STIM1: variants seen among roughly 807,000 people sequenced by gnomAD.
STIM1 encodes the protein stromal interaction molecule 1.
Under a neutral mutation model 74.7 loss-of-function variants are expected in STIM1, and 25 were observed. The ratio of observed to expected loss-of-function variants is 0.33; its 90% CI spans 0.24 to 0.47. STIM1 has a LOEUF of 0.47. Among genes scored for constraint, STIM1 ranks in the 20% least tolerant of loss-of-function variants. The pLI is 1.00. For synonymous variants in STIM1, 328 were observed against 348.8 expected (o/e 0.94, Z 0.66); for missense variants, 728 against 920.8 (o/e 0.79, Z 2.71).
At chr11:3,948,198 G>A (rs1357604303) in intron 1 of STIM1, among the ~76,000 whole-genome samples, 2 of 152,078 alleles carry the variant, frequency 1.3e-5, no homozygotes, top group Non-Finnish European at 2.9e-5. Flanking sequence ...GGGCCTTGAA[G>A]GTTCAGAAAG....
intron 1 of STIM1, among the ~76,000 whole-genome samples, chr11:3,887,091 G>A (rs150881180): frequency 1.1e-3 from 172 of 152,218 alleles, no homozygotes; most frequent in Middle Eastern, 3.4e-3. Context: ...GGATGAAAAG[G>A]GTCCAGGGAC....
chr11:3,882,702 C>A (rs2091561427), intron 1 of STIM1, among the ~76,000 whole-genome samples: 1 of 152,180 alleles, frequency 6.6e-6, no homozygotes, highest in Non-Finnish European at 1.5e-5. Flanking sequence ...TATGGTAATT[C>A]TGTTTAGTTT....
intron 1 of STIM1, among the ~76,000 whole-genome samples, chr11:3,892,091 CTT>C (rs61095649): frequency 4.1e-4 from 62 of 152,342 alleles, no homozygotes; most frequent in Non-Finnish European, 7.5e-4. Flanking sequence ...TCAGAAATCT[CTT>C]CTTGATTTTC....
rs141311140 is a variant in STIM1 at position 4,027,961 on chromosome 11, C to A, written c.385+3974C>A. ...ATTTTTGGAGAAGAATGATGGGAGG[C>A]ACTGACCTAAGGGAATTCTCCTCTA... On this transcript the variant is annotated intron_variant, in intron 3 of 12. Transcript: ENST00000526596. 5.7e-4 allele frequency among the ~76,000 whole-genome samples: 87 copies of A among 152,314 alleles called. No individual in the cohort carries two copies. In the Middle Eastern group the frequency reaches 0.014, roughly 24 times the overall value.
chr11:3,864,027 C>T (rs1284289523), intron 1 of STIM1, among the ~76,000 whole-genome samples: 1 of 151,648 alleles, frequency 6.6e-6, no homozygotes, highest in Non-Finnish European at 1.5e-5. Context: ...GCTGTAGTTT[C>T]ATTGTCTCAC....
intron 1 of STIM1, among the ~76,000 whole-genome samples, chr11:3,919,883 G>A (rs945962972): frequency 6.6e-6 from 1 of 152,126 alleles, no homozygotes; most frequent in African/African-American, 2.4e-5. Flanking sequence ...TTCAAGACCA[G>A]CCTGGACAAC....
chr11:3,892,860 T>C (rs540740355), intron 1 of STIM1: 24 of 1,603,108 alleles, frequency 1.5e-5, no homozygotes, highest in Non-Finnish European at 2.0e-5. Context: ...TTGACAGCAA[T>C]GTCGAAGAAC....
intron 2 of STIM1, among the ~76,000 whole-genome samples, chr11:4,022,211 T>A (rs1444686111): frequency 6.6e-6 from 1 of 151,544 alleles, no homozygotes; most frequent in Admixed American, 6.6e-5. Context: ...CGTGCACACC[T>A]ATAGTCCCAG....
intron 3 of STIM1, among the ~76,000 whole-genome samples, chr11:4,039,705 A>G (rs1018213055): frequency 1.3e-5 from 2 of 152,144 alleles, no homozygotes; most frequent in Middle Eastern, 3.2e-3. Flanking sequence ...CTCAAAATGA[A>G]TTACCTTATC....
At chr11:4,022,484 CT>C (rs1165812351) in intron 2 of STIM1, among the ~76,000 whole-genome samples, 1 of 151,574 alleles carries the variant, frequency 6.6e-6, no homozygotes, top group Non-Finnish European at 1.5e-5. Context: ...CCTAATTGCT[CT>C]GGCTAGGACT....
chr11:3,949,935 C>T (rs2093124901), intron 1 of STIM1, among the ~76,000 whole-genome samples: 1 of 152,206 alleles, frequency 6.6e-6, no homozygotes, highest in East Asian at 1.9e-4. Flanking sequence ...TTTATAACCA[C>T]TCCCGTCTCC....
intron 3 of STIM1, among the ~76,000 whole-genome samples, chr11:4,054,590 C>T (rs545873535): frequency 2.4e-4 from 37 of 152,248 alleles, no homozygotes; most frequent in South Asian, 8.3e-4. Context: ...ATCTAGGTTA[C>T]GTGCTTCTTA....
intron 2 of STIM1, among the ~76,000 whole-genome samples, chr11:4,010,225 C>A (rs1391747537): frequency 6.7e-6 from 1 of 149,074 alleles, no homozygotes; most frequent in African/African-American, 2.5e-5. Flanking sequence ...GGCTGTAGTG[C>A]AGTGGCATGA....
chr11:4,010,738 A>AT (rs2093827734), intron 2 of STIM1, among the ~76,000 whole-genome samples: 3 of 152,040 alleles, frequency 2.0e-5, no homozygotes, highest in South Asian at 4.1e-4. Flanking sequence ...ATTATTATAT[A>AT]TTTTAAGTTC....
At chr11:3,959,919 A>G (rs1333532958) in intron 1 of STIM1, among the ~76,000 whole-genome samples, 1 of 152,228 alleles carries the variant, frequency 6.6e-6, no homozygotes, top group Non-Finnish European at 1.5e-5. Flanking sequence ...AGTGGCACTG[A>G]ACTACTAGTA....
intron 12 of STIM1, chr11:4,088,592 A>G: frequency 9.9e-7 from 1 of 1,012,516 alleles, no homozygotes; most frequent in South Asian, 1.4e-5. Context: ...GGATGCTGTG[A>G]ATTCCATGCT....
At chr11:4,086,605 A>C (rs2094494873) in intron 12 of STIM1, 62 bp downstream of exon 12, 1 of 1,605,708 alleles carries the variant, frequency 6.2e-7, no homozygotes, top group South Asian at 1.1e-5. Context: ...GCGAATGCGC[A>C]GCCTTTCATC....
chr11:3,863,538 A>G (rs1428430662), intron 1 of STIM1, among the ~76,000 whole-genome samples: 1 of 152,152 alleles, frequency 6.6e-6, no homozygotes, highest in Non-Finnish European at 1.5e-5. Flanking sequence ...GATTACAGGC[A>G]TGAGCCACTG....
In STIM1 at chr11:3,895,740, C is replaced by T. The variant is rs865882900; in HGVS notation, c.139+39331C>T. Among the ~76,000 whole-genome samples, 31 of 36,622 alleles carry T rather than the reference C, an allele frequency of 8.5e-4. 4 individuals are homozygous for T. In the East Asian group the frequency reaches 9.2e-3, roughly 11 times the overall value. 24.0% of individuals were successfully genotyped at this position (36,622 alleles called of 152,430 possible). A position where few individuals can be genotyped will look rare whatever the true frequency, so the allele number is the denominator to read the frequency against. On this transcript the variant is annotated intron_variant, in intron 1 of 12. Coordinates refer to ENST00000526596, the MANE Select transcript of STIM1 (RefSeq NM_001382567.1). ...TTTCTTTCTTTCTTTCTTTCTTTTTCTTTCTTCCTTCCTTCCTTCCTTCCT... is the reference window on the plus strand; with the variant it reads ...TTTCTTTCTTTCTTTCTTTCTTTTTTTTTCTTCCTTCCTTCCTTCCTTCCT...
Sources: gnomAD v4.1 joint callset for allele counts (sites outside exome capture counted in the v4.1 genomes callset) on GRCh38, gnomAD v4.1.1 for gene constraint, MANE v1.5 for transcripts, NCBI Gene and HGNC (gene_info 2026-07-23, HGNC 2026-07-21) for gene names.